Variants in XYLT1 observed in about 807,000 individuals in gnomAD.
XYLT1 encodes the protein beta-D-xylosyltransferase 1.
In XYLT1, 36 loss-of-function variants were observed where a neutral mutation model predicts 91.3. The ratio of observed to expected loss-of-function variants is 0.39; its 90% confidence interval spans 0.30 to 0.52. XYLT1 has a LOEUF of 0.52. Ranked by LOEUF, XYLT1 falls within the 20% of genes least tolerant of loss-of-function variation. The probability of loss-of-function intolerance (pLI) is 0.68; values close to 1 mark genes in which losing one functional copy is unlikely to be tolerated. For missense variants in XYLT1, 1,242 were observed against 1,284.5 expected (o/e 0.97, Z 0.51); for synonymous variants, 588 against 532.0 (o/e 1.11, Z -1.45).
At chr16:17,391,044 A>G (rs1163925721) in intron 1 of XYLT1, among the ~76,000 whole-genome samples, 1 of 152,054 alleles carries the variant, frequency 6.6e-6, no homozygotes, top group Non-Finnish European at 1.5e-5. Flanking sequence ...TCTCAAAAGA[A>G]AAAAAACAAA....
chr16:17,403,247 A>G (rs2035991159), intron 1 of XYLT1, among the ~76,000 whole-genome samples: 2 of 152,154 alleles, frequency 1.3e-5, no homozygotes, highest in Admixed American at 1.3e-4. Context: ...CATTTGACAG[A>G]TGAGGAGACA....
intron 3 of XYLT1, among the ~76,000 whole-genome samples, chr16:17,256,655 A>G (rs1190287626): frequency 6.6e-6 from 1 of 151,780 alleles, no homozygotes; most frequent in East Asian, 1.9e-4. Flanking sequence ...TCTCGAAAAA[A>G]AAAACAAAAA....
rs75140452 is a variant in XYLT1, at chr16:17,258,048, C to T, written c.913+940G>A. Reference sequence around the variant, plus strand: ...AATTTCTGGATCAGAGCTTGGATCCCTCCGTGTCTCAGCAAGAGAGCTGGT... The same window carrying T: ...AATTTCTGGATCAGAGCTTGGATCCTTCCGTGTCTCAGCAAGAGAGCTGGT... On this transcript the variant is annotated intron_variant, in intron 3 of 11. Coordinates refer to ENST00000261381, the MANE Select transcript of XYLT1 (RefSeq NM_022166.4). Among the ~76,000 whole-genome samples, 847 of 152,224 alleles carry T rather than the reference C, an allele frequency of 5.6e-3. 9 individuals are homozygous for T. The highest frequency in any genetic ancestry group is 0.02 in the African/African-American group (813 of 41,524).
intron 11 of XYLT1, among the ~76,000 whole-genome samples, chr16:17,109,958 G>C (rs1478079233): frequency 6.6e-6 from 1 of 152,174 alleles, no homozygotes; most frequent in Non-Finnish European, 1.5e-5. Flanking sequence ...CGGGTGAGGT[G>C]GGGTGGGAGG....
intron 2 of XYLT1, among the ~76,000 whole-genome samples, chr16:17,303,251 T>C: frequency 6.6e-6 from 1 of 152,228 alleles, no homozygotes; most frequent in Non-Finnish European, 1.5e-5. Flanking sequence ...AAATCTGGCC[T>C]GCAATCCTCT....
chr16:17,137,477 C>T (rs1042237628), intron 8 of XYLT1: 2 of 152,384 alleles, frequency 1.3e-5, no homozygotes, highest in Non-Finnish European at 2.9e-5. Flanking sequence ...ATTCGCTTAA[C>T]CATTCAGTGG....
chr16:17,351,740 CTT>C (rs201013023), intron 2 of XYLT1, among the ~76,000 whole-genome samples: 3 of 113,638 alleles, frequency 2.6e-5, no homozygotes, highest in African/African-American at 1.7e-4. Flanking sequence ...ACATTTGAGG[CTT>C]TTTTTTTGGG....
Position 17,107,985 on chromosome 16 carries a change from T to C in XYLT1, c.*710A>G, listed in dbSNP as rs77933211. The stretch of plus-strand genomic sequence containing the variant: ...CCACTTACCTAGTTACTAAGGAGAA[T>C]AGTTCAACCCAAGGAGGGCTGCTGA... On this transcript the variant is annotated 3_prime_UTR_variant, in exon 12 of 12. Coordinates refer to ENST00000261381, the MANE Select transcript of XYLT1 (RefSeq NM_022166.4). The C allele has an allele frequency of 8.9e-3, 1,359 of 152,718 alleles. 10 individuals carry two copies. Among genetic ancestry groups the C allele is most frequent in the East Asian group, 0.032 (163 of 5,166 alleles). The allele number at this position is 152,718 out of a possible 1,614,324, so 9.5% of individuals were successfully genotyped here. A position where few individuals can be genotyped will look rare whatever the true frequency, so the allele number is the denominator to read the frequency against.
intron 10 of XYLT1, among the ~76,000 whole-genome samples, chr16:17,121,204 C>T (rs1256049315): frequency 6.6e-6 from 1 of 152,210 alleles, no homozygotes; most frequent in Admixed American, 6.5e-5. Context: ...AAGATGGGAA[C>T]CCTCCAGAAC....
intron 2 of XYLT1, among the ~76,000 whole-genome samples, chr16:17,303,838 TC>T (rs1396937583): frequency 1.3e-5 from 2 of 152,210 alleles, no homozygotes; most frequent in South Asian, 2.1e-4. Flanking sequence ...AGATTTTTTT[TC>T]CCATCATTTT....
chr16:17,262,198 T>C (rs2033733088), intron 2 of XYLT1, among the ~76,000 whole-genome samples: 1 of 152,188 alleles, frequency 6.6e-6, no homozygotes, highest in African/African-American at 2.4e-5. Context: ...TGTGATACAT[T>C]CTTCACTATG....
At chr16:17,442,476 G>A (rs2036543103) in intron 1 of XYLT1, among the ~76,000 whole-genome samples, 1 of 152,100 alleles carries the variant, frequency 6.6e-6, no homozygotes, top group Non-Finnish European at 1.5e-5. Flanking sequence ...ATTCTTCTGG[G>A]GTGTCTGTGA....
chr16:17,151,076 G>A (rs1209820164), intron 6 of XYLT1, among the ~76,000 whole-genome samples: 5 of 152,192 alleles, frequency 3.3e-5, no homozygotes, highest in Non-Finnish European at 5.9e-5. Flanking sequence ...CTTGGATATG[G>A]AGGGAAACTC....
chr16:17,204,564 G>A (rs1484583145), intron 3 of XYLT1, among the ~76,000 whole-genome samples: 1 of 152,112 alleles, frequency 6.6e-6, no homozygotes, highest in African/African-American at 2.4e-5. Flanking sequence ...GGGGGGCAGA[G>A]GGGGAAGACA....
At chr16:17,335,651 G>A (rs372606063) in intron 2 of XYLT1, among the ~76,000 whole-genome samples, 258 of 147,012 alleles carry the variant, frequency 1.8e-3, no homozygotes, top group African/African-American at 6.3e-3. Context: ...CCGAGATAGC[G>A]TCATTGCACT....
intron 1 of XYLT1, among the ~76,000 whole-genome samples, chr16:17,415,409 G>A (rs1385286668): frequency 6.6e-6 from 1 of 152,208 alleles, no homozygotes; most frequent in East Asian, 1.9e-4. Context: ...ATAAATGGAG[G>A]CCGGGCGCGG....
chr16:17,348,552 G>C (rs1161935331), intron 2 of XYLT1, among the ~76,000 whole-genome samples: 2 of 152,154 alleles, frequency 1.3e-5, no homozygotes, highest in South Asian at 2.1e-4. Flanking sequence ...GGAAGGGTGT[G>C]AGAGCACCTT....
At chr16:17,197,480 T>C (rs575094668) in intron 5 of XYLT1, among the ~76,000 whole-genome samples, 1 of 152,348 alleles carries the variant, frequency 6.6e-6, no homozygotes, top group South Asian at 2.1e-4. Context: ...GTCAACTTGA[T>C]TGGACTGAAG....
chr16:17,341,150 C>A (rs1303118229), intron 2 of XYLT1, among the ~76,000 whole-genome samples: 1 of 152,106 alleles, frequency 6.6e-6, no homozygotes, highest in Non-Finnish European at 1.5e-5. Flanking sequence ...ACTTACCCTA[C>A]AGAGGTACAT....
Sources: gnomAD v4.1 joint callset for allele counts (sites outside exome capture counted in the v4.1 genomes callset) on GRCh38, gnomAD v4.1.1 for gene constraint, MANE v1.5 for transcripts, NCBI Gene and HGNC (gene_info 2026-07-23, HGNC 2026-07-21) for gene names.